Variants in SLC2A12 observed in about 807,000 individuals in gnomAD.
The protein encoded by SLC2A12 is solute carrier family 2 member 12.
Under a neutral mutation model 41.8 loss-of-function variants are expected in SLC2A12, and 23 were observed. That is an observed-to-expected ratio of 0.55 (90% CI 0.40 to 0.78). The LOEUF (loss-of-function observed/expected upper bound fraction) is 0.78, where lower values mean the gene tolerates loss of function less well. Ranked by LOEUF, SLC2A12 falls within the 30% of genes least tolerant of loss-of-function variation. SLC2A12 has a pLI of 0.00. For synonymous variants in SLC2A12, 295 were observed against 285.9 expected (o/e 1.03, Z -0.32); for missense variants, 654 against 745.6 (o/e 0.88, Z 1.43).
Position 133,997,137 on chromosome 6 carries a change from G to C in SLC2A12, c.1700+4860C>G, listed in dbSNP as rs375963210. The stretch of plus-strand genomic sequence containing the variant: ...CCGGGCGTGGCAGCAGGCGCCTGTA[G>C]TCCCAGCTACTTGGGAGGCTGAGGC... On this transcript the variant is annotated intron_variant, in intron 4 of 4. Coordinates refer to ENST00000275230, the MANE Select transcript of SLC2A12 (RefSeq NM_145176.3). Among the ~76,000 whole-genome samples the C allele has an allele frequency of 4.0e-3, 582 of 144,402 alleles. 5 individuals are homozygous for C. The highest frequency in any genetic ancestry group is 0.014 in the African/African-American group (553 of 38,924). 94.7% of individuals were successfully genotyped at this position (144,402 alleles called of 152,430 possible).
At chr6:134,037,308 A>G (rs777719534) in intron 1 of SLC2A12, among the ~76,000 whole-genome samples, 5 of 145,788 alleles carry the variant, frequency 3.4e-5, no homozygotes, top group African/African-American at 1.3e-4. Flanking sequence ...GCCAGCTCCA[A>G]TATCCCCTCC....
In SLC2A12 at chr6:134,029,360, G is replaced by C; in HGVS notation, c.465C>G (p.Ile155Met). ...TTCTGTGTTGAGGAGCAATCTCTGC[G>C]ATGTAAACACAAGTGGCAATGGAAG... ...SLSSIATCVYIAEIAPQHRRG... is the reference protein window; with the variant it reads ...SLSSIATCVYMAEIAPQHRRG... The change falls in exon 2 of 5, where the codon ATC (isoleucine) becomes ATG (methionine). Residue 155 changes from isoleucine (I) to methionine (M), a missense_variant. Ile to Met is a conservative substitution (Grantham distance 10). Around this residue, in one of 3 missense-constraint regions of SLC2A12, gnomAD observed 411 missense variants for 412.1 expected, o/e 1.00. Transcript: ENST00000275230. 1.2e-6 allele frequency: 2 copies of C among 1,614,154 alleles called. No homozygotes were observed. The highest frequency in any genetic ancestry group is 1.7e-6 in the Non-Finnish European group (2 of 1,180,040).
At chr6:134,022,131 G>A (rs1420155249) in intron 2 of SLC2A12, among the ~76,000 whole-genome samples, 1 of 152,006 alleles carries the variant, frequency 6.6e-6, no homozygotes, top group Non-Finnish European at 1.5e-5. Context: ...AAAAACCAGA[G>A]GTTTTGCCTC....
At chr6:134,036,439 C>T (rs1466197560) in intron 1 of SLC2A12, among the ~76,000 whole-genome samples, 4 of 152,192 alleles carry the variant, frequency 2.6e-5, no homozygotes, top group East Asian at 1.9e-4. Context: ...ATCTTGCCCC[C>T]GGCTCGTGTG....
chr6:134,024,938 T>G (rs1229622437), intron 2 of SLC2A12, among the ~76,000 whole-genome samples: 1 of 152,238 alleles, frequency 6.6e-6, no homozygotes, highest in Non-Finnish European at 1.5e-5. Context: ...CATTCAGCAT[T>G]TTCTCAATAC....
chr6:134,024,949 G>A (rs888287328), intron 2 of SLC2A12, among the ~76,000 whole-genome samples: 1 of 152,154 alleles, frequency 6.6e-6, no homozygotes, highest in Non-Finnish European at 1.5e-5. Context: ...TTCTCAATAC[G>A]TTCAGTTATG....
chr6:134,046,599 G>A lies in SLC2A12; in HGVS notation c.103+5779C>T, dbSNP rs185205794. On this transcript the variant is annotated intron_variant, in intron 1 of 4. Transcript: ENST00000275230. ...GTGAATTGCTTGAGGCCAGGAGTTCGAGACCAGCCTGGGCAACATGGTGAA... is the reference window on the plus strand; with the variant it reads ...GTGAATTGCTTGAGGCCAGGAGTTCAAGACCAGCCTGGGCAACATGGTGAA... Among the ~76,000 whole-genome samples, 250 of 152,088 alleles carry A rather than the reference G, an allele frequency of 1.6e-3. 2 individuals are homozygous for A. In the South Asian group the frequency reaches 0.019, roughly 12 times the overall value.
intron 2 of SLC2A12, among the ~76,000 whole-genome samples, chr6:134,012,644 C>A (rs551506174): frequency 2.6e-5 from 4 of 152,006 alleles, no homozygotes; most frequent in Admixed American, 2.6e-4. Context: ...AATACCATAC[C>A]TATTTGATAG....
At chr6:134,047,910 G>A (rs1362154763) in intron 1 of SLC2A12, among the ~76,000 whole-genome samples, 3 of 152,244 alleles carry the variant, frequency 2.0e-5, no homozygotes, top group African/African-American at 4.8e-5. Flanking sequence ...CCCTGGCAGG[G>A]CAGGCTTCCT....
intron 1 of SLC2A12, among the ~76,000 whole-genome samples, chr6:134,049,135 G>A (rs914916518): frequency 3.3e-5 from 5 of 152,174 alleles, no homozygotes; most frequent in African/African-American, 1.2e-4. Flanking sequence ...GCCTTAGAAT[G>A]TTCATCTGCT....
chr6:134,017,632 C>A (rs945723536), intron 2 of SLC2A12, among the ~76,000 whole-genome samples: 2 of 151,986 alleles, frequency 1.3e-5, no homozygotes, highest in Admixed American at 1.3e-4. Flanking sequence ...GAGGGCGGAT[C>A]ACAAGGTCAG....
chr6:133,995,199 C>T (rs187513178), intron 4 of SLC2A12, among the ~76,000 whole-genome samples: 1 of 152,176 alleles, frequency 6.6e-6, no homozygotes, highest in African/African-American at 2.4e-5. Flanking sequence ...CACAAAAAGA[C>T]CTTTTGTTTT....
rs1776822612 is a variant in SLC2A12 at position 134,006,864 on chromosome 6, G to A, written c.1515C>T (p.Ser505=). The change falls in exon 3 of 5, where the codon AGC becomes AGT. Residue 505 remains serine, a synonymous_variant. Transcript: ENST00000275230. ...TGAGGAGATTGATGCCCCAGTTCAT[G>A]CTAGAAGTTAAAGCCATGGCTCGTC... The part of the protein sequence containing the change: ...IRGRAMALTS[S]MNWGINLLIS... 5.0e-6 allele frequency: 8 copies of A among 1,614,162 alleles called. No individual in the cohort carries two copies. The highest frequency in any genetic ancestry group is 6.8e-6 in the Non-Finnish European group (8 of 1,180,022).
chr6:134,017,013 A>G (rs895545492), intron 2 of SLC2A12, among the ~76,000 whole-genome samples: 1 of 152,192 alleles, frequency 6.6e-6, no homozygotes, highest in African/African-American at 2.4e-5. Flanking sequence ...AATACATTCA[A>G]TTACATGAAA....
chr6:134,032,176 C>A (rs939398307), intron 1 of SLC2A12, among the ~76,000 whole-genome samples: 15 of 151,646 alleles, frequency 9.9e-5, no homozygotes, highest in African/African-American at 3.6e-4. Flanking sequence ...CTCCAGGATC[C>A]TAGTAGGCTA....
Position 133,991,031 on chromosome 6 carries a change from G to A in SLC2A12, c.*124C>T, listed in dbSNP as rs1776614981. 8.9e-7 allele frequency: 1 copy of A among 1,129,424 alleles called. No homozygotes were observed. Among genetic ancestry groups the A allele is most frequent in the Admixed American group, 2.5e-5 (1 of 39,366 alleles). 70.0% of individuals were successfully genotyped at this position (1,129,424 alleles called of 1,614,324 possible). A position where few individuals can be genotyped will look rare whatever the true frequency, so the allele number is the denominator to read the frequency against. ...TAAAGGCTGTCTTTATCATTTCAGA[G>A]TGTCTCTTCAAAACCAGTTCCATGA... On this transcript the variant is annotated 3_prime_UTR_variant, in exon 5 of 5. Transcript: ENST00000275230.
rs1427145738 is a variant in SLC2A12 at position 134,034,251 on chromosome 6, G to A, written c.104-4530C>T. Among the ~76,000 whole-genome samples the A allele has an allele frequency of 2.6e-5, 4 of 152,158 alleles. No individual in the cohort carries two copies. The South Asian group carries it at 6.2e-4, about 24-fold the overall frequency. On this transcript the variant is annotated intron_variant, in intron 1 of 4. Transcript: ENST00000275230. ...CTAGAACCCTAGTCCCACATGGACG[G>A]CTTACCAACATGGAGTTATATGTTA...
chr6:134,026,890 T>A (rs561903279), intron 2 of SLC2A12, among the ~76,000 whole-genome samples: 4 of 152,158 alleles, frequency 2.6e-5, no homozygotes, highest in Admixed American at 2.0e-4. Flanking sequence ...CACCTAACCC[T>A]TCTCTCTCTC....
intron 4 of SLC2A12, among the ~76,000 whole-genome samples, chr6:133,998,587 G>A (rs1288284752): frequency 6.6e-6 from 1 of 152,164 alleles, no homozygotes; most frequent in African/African-American, 2.4e-5. Context: ...TGTCACCCAG[G>A]CTGAATGCAG....
Sources: gnomAD v4.1 joint callset for allele counts (sites outside exome capture counted in the v4.1 genomes callset) on GRCh38, gnomAD v4.1.1 for gene constraint, gnomAD v4.1.1 regional missense constraint, MANE v1.5 for transcripts, NCBI Gene and HGNC (gene_info 2026-07-23, HGNC 2026-07-21) for gene names.